The following DOCK3 variants were observed in gnomAD, a reference collection of about 807,000 sequenced individuals.
DOCK3 encodes dedicator of cytokinesis protein 3.
In DOCK3, 60 loss-of-function variants were observed where a neutral mutation model predicts 265.6. That is an observed-to-expected ratio of 0.23 (90% CI 0.18 to 0.28). DOCK3 has a LOEUF of 0.28. Ranked by LOEUF, DOCK3 falls within the 10% of genes least tolerant of loss-of-function variation. The pLI, the probability that DOCK3 is intolerant of heterozygous loss-of-function variation, is 1.00. For missense variants in DOCK3, 1,981 were observed against 2,594.3 expected, an observed-to-expected ratio of 0.76 and a Z score of 5.14; for synonymous variants, 881 against 938.0, an observed-to-expected ratio of 0.94 and a Z score of 1.11.
intron 1 of DOCK3, among the ~76,000 whole-genome samples, chr3:50,678,472 G>A (rs1161001227): frequency 6.6e-6 from 1 of 152,168 alleles, no homozygotes; most frequent in Non-Finnish European, 1.5e-5. Flanking sequence ...TCTAACAGGA[G>A]CAACAGCAGG....
chr3:51,364,543 T>A (rs1050820236), intron 49 of DOCK3, among the ~76,000 whole-genome samples: 6 of 152,304 alleles, frequency 3.9e-5, no homozygotes, highest in Admixed American at 2.0e-4. Context: ...GGTGTTTTAG[T>A]CATGAAGTCC....
intron 3 of DOCK3, chr3:50,876,949 T>C (rs1444357079): frequency 1.3e-5 from 2 of 153,904 alleles, no homozygotes; most frequent in Non-Finnish European, 2.9e-5. Context: ...TGAGATTTTT[T>C]GCAATTTTTT....
At chr3:51,220,709 GTATATA>G (rs3073874) in intron 14 of DOCK3, among the ~76,000 whole-genome samples, 1 of 132,388 alleles carries the variant, frequency 7.6e-6, no homozygotes, top group Non-Finnish European at 1.5e-5. Flanking sequence ...GTGTGTGTGT[GTATATA>G]TATATATATA....
chr3:50,748,302 T>C (rs949614334), intron 1 of DOCK3, among the ~76,000 whole-genome samples: 2 of 152,204 alleles, frequency 1.3e-5, no homozygotes, highest in African/African-American at 4.8e-5. Context: ...CCAGTGTGCC[T>C]GGCCCTGTGG....
chr3:50,977,437 A>G (rs2077496781), intron 5 of DOCK3, among the ~76,000 whole-genome samples: 1 of 152,094 alleles, frequency 6.6e-6, no homozygotes, highest in Non-Finnish European at 1.5e-5. Flanking sequence ...TTCTGGGTTG[A>G]AAATTCTTTT....
At chr3:50,917,434 A>C (rs1260012888) in intron 4 of DOCK3, among the ~76,000 whole-genome samples, 2 of 151,656 alleles carry the variant, frequency 1.3e-5, no homozygotes, top group African/African-American at 4.8e-5. Context: ...AAATTTTAGT[A>C]CTTTATATTT....
intron 9 of DOCK3, among the ~76,000 whole-genome samples, chr3:51,112,373 T>C (rs961061125): frequency 3.9e-5 from 6 of 152,132 alleles, no homozygotes; most frequent in Non-Finnish European, 5.9e-5. Context: ...TTATGTAAAG[T>C]TCAAGAATAG....
At chr3:51,017,859 C>G (rs1327738243) in intron 5 of DOCK3, among the ~76,000 whole-genome samples, 1 of 151,834 alleles carries the variant, frequency 6.6e-6, no homozygotes, top group Non-Finnish European at 1.5e-5. Context: ...ACTCTTCTGT[C>G]AACGATGTGT....
chr3:51,077,727 T>G (rs2082099956), intron 7 of DOCK3, among the ~76,000 whole-genome samples: 1 of 152,222 alleles, frequency 6.6e-6, no homozygotes, highest in South Asian at 2.1e-4. Context: ...TAAGGATCTA[T>G]AGCTGTGATT....
chr3:50,895,079 TTTTC>T (rs1412037295), intron 4 of DOCK3, among the ~76,000 whole-genome samples: 1 of 152,128 alleles, frequency 6.6e-6, no homozygotes, highest in African/African-American at 2.4e-5. Context: ...TAATGGCTTT[TTTTC>T]TTTATCAATT....
intron 1 of DOCK3, among the ~76,000 whole-genome samples, chr3:50,776,617 C>T (rs1024448246): frequency 2.0e-5 from 3 of 151,900 alleles, no homozygotes; most frequent in African/African-American, 7.3e-5. Context: ...GTTGCATTTG[C>T]CTTTGGGTCT....
chr3:50,987,061 A>G (rs969680608), intron 5 of DOCK3, among the ~76,000 whole-genome samples: 4 of 152,204 alleles, frequency 2.6e-5, no homozygotes, highest in African/African-American at 7.2e-5. Flanking sequence ...ATGTTTTAAC[A>G]AAGATAGTTT....
intron 5 of DOCK3, 45 bp from the exon 6 acceptor site, chr3:51,064,403 T>C: frequency 1.2e-6 from 2 of 1,605,320 alleles, no homozygotes; most frequent in Non-Finnish European, 1.7e-6. Flanking sequence ...TCATTCCTTT[T>C]CCATGTCTCT....
At chr3:51,001,405 T>A (rs2078480375) in intron 5 of DOCK3, among the ~76,000 whole-genome samples, 1 of 152,264 alleles carries the variant, frequency 6.6e-6, no homozygotes, top group South Asian at 2.1e-4. Context: ...TCAGACTGAA[T>A]CTTTTACCAT....
chr3:50,840,093 T>A (rs2045744390), intron 2 of DOCK3, among the ~76,000 whole-genome samples: 1 of 152,066 alleles, frequency 6.6e-6, no homozygotes, highest in Non-Finnish European at 1.5e-5. Flanking sequence ...TATTGAGTTT[T>A]AAGAGTTCTT....
chr3:51,131,416 G>A (rs1320029662), intron 9 of DOCK3, among the ~76,000 whole-genome samples: 1 of 152,084 alleles, frequency 6.6e-6, no homozygotes, highest in Admixed American at 6.5e-5. Flanking sequence ...GGGAAGGATG[G>A]GAGAAAGATT....
At chr3:50,916,272 G>A (rs923844685) in intron 4 of DOCK3, among the ~76,000 whole-genome samples, 1 of 151,970 alleles carries the variant, frequency 6.6e-6, no homozygotes, top group Admixed American at 6.5e-5. Context: ...ACTCCTTACT[G>A]TTGGGATAAG....
At chr3:50,713,638 T>TTATATATA (rs57074630) in intron 1 of DOCK3, among the ~76,000 whole-genome samples, 3 of 149,810 alleles carry the variant, frequency 2.0e-5, no homozygotes, top group Admixed American at 1.3e-4. Flanking sequence ...GTCTGATAAA[T>TTATATATA]TATATATATA....
At chr3:51,168,210 G>C (rs929389090) in intron 12 of DOCK3, among the ~76,000 whole-genome samples, 2 of 152,080 alleles carry the variant, frequency 1.3e-5, no homozygotes, top group Non-Finnish European at 2.9e-5. Context: ...CAAACTACTA[G>C]TGACATTCTT....
Sources: allele counts gnomAD v4.1 joint callset (sites outside exome capture counted in the v4.1 genomes callset), GRCh38; gene constraint gnomAD v4.1.1; transcripts MANE v1.5; gene names NCBI Gene and HGNC (gene_info 2026-07-23, HGNC 2026-07-21).